KRT7: variants seen among roughly 807,000 people sequenced by gnomAD.
The protein encoded by KRT7 is keratin 7, also known as keratin, type II cytoskeletal 7.
Under a neutral mutation model 42.8 loss-of-function variants are expected in KRT7, and 50 were observed. The ratio of observed to expected loss-of-function variants is 1.17; its 90% CI spans 0.93 to 1.48. KRT7 has a LOEUF of 1.48. KRT7 is among the 40% of genes most tolerant of loss of function. The pLI, the probability that KRT7 is intolerant of heterozygous loss-of-function variation, is 0.00. For synonymous variants in KRT7, 268 were observed against 266.3 expected (o/e 1.01, Z -0.06); for missense variants, 588 against 637.6 (o/e 0.92, Z 0.84).
At chr12:52,239,826 C>T (rs1443212231) in intron 4 of KRT7, among the ~76,000 whole-genome samples, 1 of 152,196 alleles carries the variant, frequency 6.6e-6, no homozygotes, top group African/African-American at 2.4e-5. Flanking sequence ...CTCCCTCTCA[C>T]CCTTGTCCTC....
At chr12:52,244,815 T>A (rs1258894193) in intron 6 of KRT7, among the ~76,000 whole-genome samples, 1 of 152,090 alleles carries the variant, frequency 6.6e-6, no homozygotes, top group Non-Finnish European at 1.5e-5. Context: ...ACCCGGGGAC[T>A]GTGAGTCATG....
chr12:52,235,489 CCTGAGGGGCCAGT>C, intron 2 of KRT7, 123 bp downstream of exon 2: 1 of 759,168 alleles, frequency 1.3e-6, no homozygotes, highest in Non-Finnish European at 2.1e-6. Flanking sequence ...CCAATAACTC[CCTGAGGGGCCAGT>C]CTTGACCAAC....
chr12:52,235,690 A>G (rs1296380250), intron 2 of KRT7, among the ~76,000 whole-genome samples: 1 of 152,206 alleles, frequency 6.6e-6, no homozygotes, highest in Non-Finnish European at 1.5e-5. Context: ...GTCTTCTGAC[A>G]GGGGTGCTTC....
At chr12:52,243,341 T>C (rs909391435) in intron 6 of KRT7, 1 of 584,312 alleles carries the variant, frequency 1.7e-6, no homozygotes, top group Non-Finnish European at 2.9e-6. Flanking sequence ...GTCCTGGATG[T>C]GCACAGAGCC....
intron 4 of KRT7, 122 bp from the exon 5 acceptor site, chr12:52,241,350 C>G: frequency 1.2e-6 from 1 of 838,284 alleles, no homozygotes; most frequent in Non-Finnish European, 1.9e-6. Flanking sequence ...CCCTTGCTGC[C>G]TGGTGACTCA....
downstream of KRT7, among the ~76,000 whole-genome samples, chr12:52,253,027 T>C (rs771150117): frequency 3.3e-5 from 5 of 152,148 alleles, no homozygotes; most frequent in Admixed American, 6.5e-5. Flanking sequence ...CCTCATTCCC[T>C]CCATATTGCC....
chr12:52,245,739 G>A (rs1312919320), intron 7 of KRT7, 107 bp downstream of exon 7: 1 of 1,411,112 alleles, frequency 7.1e-7, no homozygotes, highest in African/African-American at 1.4e-5. Flanking sequence ...CCTCTGCAGG[G>A]CACTGGGTGT....
chr12:52,253,292 C>A (rs199658039), downstream of KRT7: 12 of 1,612,694 alleles, frequency 7.4e-6, no homozygotes, highest in South Asian at 1.2e-4. Context: ...CTTGGTGCGG[C>A]GCAGGGTCTC....
downstream of KRT7, chr12:52,253,758 C>T (rs185142758): frequency 9.5e-6 from 9 of 948,006 alleles, no homozygotes; most frequent in Admixed American, 1.9e-5. Context: ...CTGGAGAACG[C>T]GGATCTCCTG....
At chr12:52,238,578 T>A (rs927746162) in intron 3 of KRT7, 102 bp from the exon 4 acceptor site, 2 of 738,670 alleles carry the variant, frequency 2.7e-6, no homozygotes, top group African/African-American at 1.7e-5. Flanking sequence ...CAGTAGTATT[T>A]GGCCTGTGGG....
At chr12:52,237,726 A>ATG (rs10546862) in intron 3 of KRT7, 157 bp downstream of exon 3, 33,691 of 344,678 alleles carry the variant, frequency 0.098, 942 homozygotes, top group Non-Finnish European at 0.11. Context: ...GGGTGCGTGT[A>ATG]TGTGTGTGTG....
At chr12:52,242,125 A>G (rs1727413031) in intron 5 of KRT7, among the ~76,000 whole-genome samples, 1 of 152,054 alleles carries the variant, frequency 6.6e-6, no homozygotes, top group African/African-American at 2.4e-5. Context: ...GTGCACCACC[A>G]TGCCTGGCTA....
At chr12:52,251,649 G>A (rs1036312280), downstream of KRT7, 31 of 250,162 alleles carry the variant, frequency 1.2e-4, no homozygotes, top group African/African-American at 6.4e-4. Flanking sequence ...TAAAAATATG[G>A]TATAATCTAA....
At chr12:52,254,828 C>A (rs1444902957), downstream of KRT7, among the ~76,000 whole-genome samples, 5 of 152,202 alleles carry the variant, frequency 3.3e-5, no homozygotes, top group African/African-American at 1.2e-4. Context: ...ACCTCATTTT[C>A]TCACAATAAC....
Position 52,233,412 on chromosome 12 carries a change from T to A in KRT7, c.116T>A (p.Leu39His). Residue 39 changes from leucine to histidine, a missense_variant, in exon 1 of 9, where the codon CTC becomes CAC. By Grantham distance (99) the Leu-to-His change is moderately conservative. Transcript: ENST00000331817. ...ARPGGLGSSS[L>H]YGLGASRPRV... ...CCCGGCGGCCTTGGCAGCAGCAGCC[T>A]CTACGGCCTCGGCGCCTCACGGCCG... 1 of 1,561,540 alleles carries A rather than the reference T, an allele frequency of 6.4e-7. No individual in the cohort carries two copies. The highest frequency in any genetic ancestry group is 8.6e-7 in the Non-Finnish European group (1 of 1,160,518).
rs970174886 is a variant in KRT7, at chr12:52,233,475, G to A, written c.179G>A (p.Gly60Asp). The change falls in exon 1 of 9, where the codon GGC becomes GAC. Residue 60 changes from glycine (G) to aspartate (D), a missense_variant. By Grantham distance (94) the Gly-to-Asp change is moderately conservative (BLOSUM62 -1). Transcript: ENST00000331817. The part of the protein sequence containing the change: ...AVRSAYGGPV[G>D]AGIREVTINQ... ...CGCTCTGCCTATGGGGGCCCGGTGG[G>A]CGCCGGCATCCGCGAGGTCACCATT... 2 of 1,609,812 alleles carry A rather than the reference G, an allele frequency of 1.2e-6. No homozygotes were observed. The highest frequency in any genetic ancestry group is 1.7e-5 in the Admixed American group (1 of 59,830).
At chr12:52,243,285 A>G in intron 6 of KRT7, 148 bp downstream of exon 6, 1 of 938,082 alleles carries the variant, frequency 1.1e-6, no homozygotes, top group Non-Finnish European at 1.5e-6. Context: ...GATCTCCAGC[A>G]CAGAATGTTC....
chr12:52,237,008 G>T (rs983452521), intron 2 of KRT7, among the ~76,000 whole-genome samples: 1 of 152,164 alleles, frequency 6.6e-6, no homozygotes, highest in African/African-American at 2.4e-5. Context: ...AGTGATTAGG[G>T]CATGGCTGGA....
At position 52,245,572 on chromosome 12, in the gene KRT7, A is replaced by T; in HGVS notation, c.1145A>T (p.Lys382Met). 2 of 1,614,124 alleles carry T rather than the reference A, an allele frequency of 1.2e-6. No individual in the cohort carries two copies. The highest frequency in any genetic ancestry group is 2.7e-5 in the African/African-American group (2 of 75,074). Reference sequence around the variant, plus strand: ...GAGTACCAGGAACTCATGAGCGTGAAGCTGGCCCTGGACATCGAGATCGCC... The same window carrying T: ...GAGTACCAGGAACTCATGAGCGTGATGCTGGCCCTGGACATCGAGATCGCC... ...LREYQELMSV[K>M]LALDIEIATY... Residue 382 changes from lysine to methionine, a missense_variant, in exon 7 of 9, where the codon AAG (lysine) becomes ATG (methionine). Physicochemically the swap from Lys to Met is moderately conservative, Grantham distance 95 (BLOSUM62 -1). Transcript: ENST00000331817.
Sources: gnomAD v4.1 joint callset for allele counts (sites outside exome capture counted in the v4.1 genomes callset) on GRCh38, gnomAD v4.1.1 for gene constraint, MANE v1.5 for transcripts, NCBI Gene and HGNC (gene_info 2026-07-23, HGNC 2026-07-21) for gene names.